ACBD6: variants seen among roughly 807,000 people sequenced by gnomAD.
The protein encoded by ACBD6 is acyl-CoA-binding domain-containing protein 6.
A neutral mutation model predicts 37.2 loss-of-function variants in ACBD6; 28 were observed. The observed-to-expected ratio is 0.75, with a 90% CI of 0.56 to 1.03. ACBD6 has a LOEUF of 1.03. Ranked by LOEUF, ACBD6 falls within the 50% of genes least tolerant of loss-of-function variation. The probability of loss-of-function intolerance (pLI) is 0.00; values close to 1 mark genes in which losing one functional copy is unlikely to be tolerated. For missense variants in ACBD6, 340 were observed against 337.4 expected (o/e 1.01, Z -0.06); for synonymous variants, 113 against 126.8 (o/e 0.89, Z 0.73).
In ACBD6 at chr1:180,446,165, G is replaced by A. The variant is rs1027681719; in HGVS notation, c.385-15903C>T. On this transcript the variant is annotated intron_variant, in intron 3 of 7. Coordinates refer to ENST00000367595, the MANE Select transcript of ACBD6 (RefSeq NM_032360.4). ...CCACAAGCAAGCACCATCACGCCGG[G>A]ATAATTTTTTTTTTTTTTTGTATTT... Among the ~76,000 whole-genome samples, 68 of 150,340 alleles carry A rather than the reference G, an allele frequency of 4.5e-4. 1 individual carries two copies. Among genetic ancestry groups the A allele is most frequent in the Non-Finnish European group, 8.0e-4 (54 of 67,868 alleles).
At chr1:180,271,316 T>C in exon 14 of ACBD6, 1 of 1,563,080 alleles carries the variant, frequency 6.4e-7, no homozygotes, top group Non-Finnish European at 8.8e-7. Context: ...GAAGGGAGGG[T>C]GTGGGAGGAG....
chr1:180,368,503 G>C (rs1019631916), intron 6 of ACBD6, among the ~76,000 whole-genome samples: 1 of 151,964 alleles, frequency 6.6e-6, no homozygotes, highest in African/African-American at 2.4e-5. Flanking sequence ...GGTTATAATA[G>C]TTTTGGGTTT....
chr1:180,321,870 T>C (rs1488440517), intron 6 of ACBD6, among the ~76,000 whole-genome samples: 1 of 152,172 alleles, frequency 6.6e-6, no homozygotes, highest in African/African-American at 2.4e-5. Flanking sequence ...TATTTCTTTT[T>C]CTTGTCTGAT....
chr1:180,318,686 C>T (rs1471609355), intron 6 of ACBD6, among the ~76,000 whole-genome samples: 1 of 152,126 alleles, frequency 6.6e-6, no homozygotes, highest in Non-Finnish European at 1.5e-5. Flanking sequence ...CAACCCCGGA[C>T]TTGGAGCACA....
intron 3 of ACBD6, among the ~76,000 whole-genome samples, chr1:180,485,844 T>A (rs1036871437): frequency 5.3e-5 from 8 of 151,216 alleles, no homozygotes; most frequent in African/African-American, 1.9e-4. Context: ...AATAGCCAAA[T>A]AAATGCTTTT....
intron 12 of ACBD6, chr1:180,273,323 G>A (rs2149267935): frequency 6.6e-6 from 1 of 152,518 alleles, no homozygotes; most frequent in East Asian, 1.9e-4. Context: ...GACAGCTCAT[G>A]GGACTAATAC....
chr1:180,333,300 T>A (rs1241857412), intron 6 of ACBD6, among the ~76,000 whole-genome samples: 1 of 152,178 alleles, frequency 6.6e-6, no homozygotes, highest in African/African-American at 2.4e-5. Context: ...AATACCTGGT[T>A]AAATAGAAAA....
intron 3 of ACBD6, among the ~76,000 whole-genome samples, chr1:180,452,824 T>C (rs1649766271): frequency 6.6e-6 from 1 of 152,150 alleles, no homozygotes; most frequent in African/African-American, 2.4e-5. Flanking sequence ...AAGAAATGGA[T>C]AAATTCCTGG....
intron 3 of ACBD6, among the ~76,000 whole-genome samples, chr1:180,489,802 A>G (rs765926284): frequency 6.6e-5 from 10 of 151,910 alleles, no homozygotes; most frequent in African/African-American, 1.9e-4. Context: ...GACTACAGGC[A>G]CTTGCCACCA....
chr1:180,332,564 T>G (rs1375894873), intron 6 of ACBD6, among the ~76,000 whole-genome samples: 2 of 151,994 alleles, frequency 1.3e-5, no homozygotes, highest in Non-Finnish European at 2.9e-5. Flanking sequence ...CTAAGTTGTA[T>G]GCTCCTTATG....
At chr1:180,384,432 A>G (rs528718431) in intron 6 of ACBD6, among the ~76,000 whole-genome samples, 71 of 152,322 alleles carry the variant, frequency 4.7e-4, no homozygotes, top group Middle Eastern at 3.4e-3. Flanking sequence ...CATCAGGGAA[A>G]TGTAAATCAA....
chr1:180,499,421 G>A lies in ACBD6; in HGVS notation c.222+2624C>T, dbSNP rs114414720. Among the ~76,000 whole-genome samples the A allele has an allele frequency of 8.2e-3, 1,249 of 152,224 alleles. 22 individuals are homozygous for A. The highest frequency in any genetic ancestry group is 0.028 in the African/African-American group (1,156 of 41,532). Reference sequence around the variant, plus strand: ...ACAGAATATCTCTAAACACCATAAAGTCAAGTTCTTGAAAGGATGAGGGAC... The same window carrying A: ...ACAGAATATCTCTAAACACCATAAAATCAAGTTCTTGAAAGGATGAGGGAC... On this transcript the variant is annotated intron_variant, in intron 1 of 7. Transcript: ENST00000367595.
At chr1:180,392,050 T>C (rs1015846702) in intron 6 of ACBD6, among the ~76,000 whole-genome samples, 4 of 152,120 alleles carry the variant, frequency 2.6e-5, no homozygotes, top group Non-Finnish European at 5.9e-5. Flanking sequence ...AATCCAAAAG[T>C]ATATATACTT....
At chr1:180,311,799 A>G (rs1650604303) in intron 7 of ACBD6, among the ~76,000 whole-genome samples, 1 of 152,154 alleles carries the variant, frequency 6.6e-6, no homozygotes, top group African/African-American at 2.4e-5. Flanking sequence ...TTTCCTTCTT[A>G]CCAAATTTTT....
chr1:180,462,896 A>G (rs147007060), intron 3 of ACBD6, among the ~76,000 whole-genome samples: 23 of 152,330 alleles, frequency 1.5e-4, no homozygotes, highest in African/African-American at 4.6e-4. Flanking sequence ...CCACAGCACA[A>G]TCAAATTAGA....
chr1:180,330,359 G>A (rs1304140570), intron 6 of ACBD6, among the ~76,000 whole-genome samples: 1 of 151,708 alleles, frequency 6.6e-6, no homozygotes, highest in African/African-American at 2.4e-5. Context: ...GACTGAGGCT[G>A]TGGTGAGCCA....
At chr1:180,493,623 C>T (rs1393151492) in intron 2 of ACBD6, among the ~76,000 whole-genome samples, 1 of 152,106 alleles carries the variant, frequency 6.6e-6, no homozygotes, top group African/African-American at 2.4e-5. Context: ...AACACTTCAT[C>T]CCTAAATAGA....
intron 6 of ACBD6, among the ~76,000 whole-genome samples, chr1:180,334,674 G>A (rs1651630731): frequency 6.6e-6 from 1 of 152,202 alleles, no homozygotes; most frequent in Admixed American, 6.5e-5. Flanking sequence ...TGACTTTGAT[G>A]AGTTGAGAGA....
At chr1:180,472,991 T>G (rs927012535) in intron 3 of ACBD6, among the ~76,000 whole-genome samples, 1 of 152,066 alleles carries the variant, frequency 6.6e-6, no homozygotes, top group African/African-American at 2.4e-5. Context: ...AACAAAAGCA[T>G]AGAATAATTC....
Sources: gnomAD v4.1 joint callset for allele counts (sites outside exome capture counted in the v4.1 genomes callset) on GRCh38, gnomAD v4.1.1 for gene constraint, MANE v1.5 for transcripts, NCBI Gene and HGNC (gene_info 2026-07-23, HGNC 2026-07-21) for gene names.